NEK11: variants seen among roughly 807,000 people sequenced by gnomAD.
NEK11 encodes the protein serine/threonine-protein kinase Nek11.
A neutral mutation model predicts 80.7 loss-of-function variants in NEK11; 72 were observed. The ratio of observed to expected loss-of-function variants is 0.89; its 90% CI spans 0.74 to 1.08. NEK11 has a LOEUF of 1.08. Among genes scored for constraint, NEK11 ranks in the 50% least tolerant of loss-of-function variants. The probability of loss-of-function intolerance (pLI) is 0.00; values close to 1 mark genes in which losing one functional copy is unlikely to be tolerated. For missense variants in NEK11, 764 were observed against 763.6 expected (o/e 1.00, Z -0.01); for synonymous variants, 251 against 260.7 (o/e 0.96, Z 0.36).
chr3:131,205,664 A>G (rs2094421386), intron 14 of NEK11, among the ~76,000 whole-genome samples: 1 of 152,180 alleles, frequency 6.6e-6, no homozygotes, highest in South Asian at 2.1e-4. Flanking sequence ...TGACTAATGT[A>G]TGGAAGAGCA....
chr3:131,226,890 G>A (rs1031783885), intron 14 of NEK11, among the ~76,000 whole-genome samples: 2 of 151,924 alleles, frequency 1.3e-5, no homozygotes, highest in East Asian at 1.9e-4. Flanking sequence ...ATACAGACAC[G>A]TGCAGGTGTC....
chr3:131,312,879 C>CT (rs756135032), intron 17 of NEK11, among the ~76,000 whole-genome samples: 2 of 151,996 alleles, frequency 1.3e-5, no homozygotes, highest in Non-Finnish European at 2.9e-5. Context: ...TACAGGTAAA[C>CT]TCGTGTCGGG....
intron 3 of NEK11, among the ~76,000 whole-genome samples, chr3:131,073,999 A>G (rs957797819): frequency 6.6e-6 from 1 of 152,172 alleles, no homozygotes; most frequent in Non-Finnish European, 1.5e-5. Flanking sequence ...TTTGGGCAGG[A>G]GAACTCTGAG....
chr3:131,110,468 G>C (rs570690484), intron 5 of NEK11, among the ~76,000 whole-genome samples: 1 of 152,064 alleles, frequency 6.6e-6, no homozygotes, highest in African/African-American at 2.4e-5. Flanking sequence ...CAATTATTTT[G>C]ATTATCTGTG....
chr3:131,072,461 T>G (rs1192132513), intron 3 of NEK11: 3 of 151,974 alleles, frequency 2.0e-5, no homozygotes, highest in Non-Finnish European at 4.4e-5. Flanking sequence ...GTAGGGGTGT[T>G]GGGGGATGAC....
chr3:131,167,848 G>A (rs1021486780), intron 12 of NEK11, among the ~76,000 whole-genome samples: 11 of 152,182 alleles, frequency 7.2e-5, no homozygotes, highest in Non-Finnish European at 1.5e-4. Context: ...GAGGGGAAGC[G>A]ACCGATGCTG....
At chr3:131,209,884 T>C (rs2094556612) in intron 14 of NEK11, among the ~76,000 whole-genome samples, 2 of 152,194 alleles carry the variant, frequency 1.3e-5, no homozygotes, top group Admixed American at 1.3e-4. Flanking sequence ...TTTTCTTCTT[T>C]GTTAGTCTTG....
At position 131,026,992 on chromosome 3, in the gene NEK11, C is replaced by T. The variant is rs544711190; in HGVS notation, c.-184C>T. ...TGGGCAGCCCCGGGCGCCGCTCCGA[C>T]CACGACAGGGAAAGGTAAAGCGAAC... On this transcript the variant is annotated 5_prime_UTR_variant, in exon 1 of 18. Transcript: ENST00000383366. 5.3e-5 allele frequency: 8 copies of T among 152,310 alleles called. No individual in the cohort carries two copies. The highest frequency in any genetic ancestry group is 8.8e-5 in the Non-Finnish European group (6 of 68,152). 9.4% of individuals were successfully genotyped at this position (152,310 alleles called of 1,614,324 possible).
At chr3:131,316,964 G>C (rs564421655) in intron 17 of NEK11, among the ~76,000 whole-genome samples, 4 of 152,326 alleles carry the variant, frequency 2.6e-5, no homozygotes, top group African/African-American at 7.2e-5. Context: ...GTGGAACATG[G>C]AGAGTTTATA....
intron 17 of NEK11, among the ~76,000 whole-genome samples, chr3:131,337,318 A>C (rs935363223): frequency 6.6e-6 from 1 of 152,154 alleles, no homozygotes; most frequent in Non-Finnish European, 1.5e-5. Flanking sequence ...CTTTGTAGGG[A>C]CATGGATGAA....
chr3:131,184,292 T>C (rs1283956148), intron 14 of NEK11, among the ~76,000 whole-genome samples: 3 of 152,218 alleles, frequency 2.0e-5, no homozygotes, highest in African/African-American at 7.2e-5. Context: ...AGTAGCATCC[T>C]GAGAATTTGT....
chr3:131,320,837 A>G (rs988682195), intron 17 of NEK11, among the ~76,000 whole-genome samples: 2 of 152,134 alleles, frequency 1.3e-5, no homozygotes, highest in South Asian at 4.1e-4. Flanking sequence ...AAACACTGCT[A>G]AGAAATCATA....
chr3:131,339,564 G>A (rs985743619), intron 17 of NEK11, among the ~76,000 whole-genome samples: 12 of 152,196 alleles, frequency 7.9e-5, no homozygotes, highest in African/African-American at 2.9e-4. Flanking sequence ...TCAGCTGTGT[G>A]AATGTACCCT....
At chr3:131,080,619 T>G (rs767413938) in intron 4 of NEK11, 31 bp downstream of exon 4, 8 of 1,571,446 alleles carry the variant, frequency 5.1e-6, no homozygotes, top group Admixed American at 2.0e-5. Flanking sequence ...TGGAAGTCTT[T>G]ATAAAAACTT....
chr3:131,131,221 A>G (rs1377745451), intron 5 of NEK11, among the ~76,000 whole-genome samples: 3 of 152,190 alleles, frequency 2.0e-5, no homozygotes, highest in Non-Finnish European at 4.4e-5. Context: ...TAATGTTAGG[A>G]TGATGCTGAC....
intron 17 of NEK11, among the ~76,000 whole-genome samples, chr3:131,302,173 T>G (rs1463626942): frequency 1.3e-5 from 2 of 151,896 alleles, no homozygotes; most frequent in East Asian, 3.8e-4. Flanking sequence ...CTCTGAGGAT[T>G]TTTTTTTATT....
chr3:131,244,685 G>T (rs1052137130), intron 16 of NEK11, among the ~76,000 whole-genome samples: 2 of 152,084 alleles, frequency 1.3e-5, no homozygotes, highest in Non-Finnish European at 2.9e-5. Flanking sequence ...GTTTTGGGAG[G>T]CTGAGGTGGG....
At chr3:131,230,620 A>AT (rs1214217374) in intron 15 of NEK11, among the ~76,000 whole-genome samples, 6 of 152,044 alleles carry the variant, frequency 3.9e-5, no homozygotes, top group East Asian at 1.9e-4. Context: ...CTTTTAAGTA[A>AT]TTTTTTAAAA....
At chr3:131,156,724 TA>T (rs559996009) in intron 10 of NEK11, among the ~76,000 whole-genome samples, 8 of 151,858 alleles carry the variant, frequency 5.3e-5, no homozygotes, top group Non-Finnish European at 1.2e-4. Context: ...TCTATGACTA[TA>T]AAAAAAAGTA....
Sources: allele counts gnomAD v4.1 joint callset (sites outside exome capture counted in the v4.1 genomes callset), GRCh38; gene constraint gnomAD v4.1.1; transcripts MANE v1.5; gene names NCBI Gene and HGNC (gene_info 2026-07-23, HGNC 2026-07-21).